Variants in AP1G1 observed in about 807,000 individuals in gnomAD.
The protein encoded by AP1G1 is AP-1 complex subunit gamma-1.
In AP1G1, 7 loss-of-function variants were observed where a neutral mutation model predicts 108.3. The ratio of observed to expected loss-of-function variants is 0.06; its 90% CI spans 0.04 to 0.12. The LOEUF is 0.12. AP1G1 is among the 10% of genes least tolerant of loss of function. The pLI is 1.00. For missense variants in AP1G1, 756 were observed against 1,010.7 expected, an observed-to-expected ratio of 0.75 and a Z score of 3.42; for synonymous variants, 379 against 353.5, an observed-to-expected ratio of 1.07 and a Z score of -0.81.
In AP1G1 at chr16:71,736,072, C is replaced by G. The variant is rs1445800315; in HGVS notation, c.2269-1365G>C. 8.8e-5 allele frequency among the ~76,000 whole-genome samples: 10 copies of G among 113,874 alleles called. 1 individual carries two copies. The highest frequency in any genetic ancestry group is 3.5e-4 in the African/African-American group (10 of 28,976). The allele number at this position is 113,874 out of a possible 152,430, so 74.7% of individuals were successfully genotyped here. A position where few individuals can be genotyped will look rare whatever the true frequency, so the allele number is the denominator to read the frequency against. On this transcript the variant is annotated intron_variant, in intron 21 of 22. Transcript: ENST00000299980. Reference sequence around the variant, plus strand: ...CTTGAACCCAGGAGGCAGAGGTTGCCTGGGTGACAGAGTGAGACTCCATCT... The same window carrying G: ...CTTGAACCCAGGAGGCAGAGGTTGCGTGGGTGACAGAGTGAGACTCCATCT...
intron 1 of AP1G1, among the ~76,000 whole-genome samples, chr16:71,798,442 G>A (rs938817903): frequency 1.3e-5 from 2 of 151,854 alleles, no homozygotes; most frequent in South Asian, 2.1e-4. Flanking sequence ...CTCGTGATCC[G>A]CCAGCCTCGG....
Position 71,789,332 on chromosome 16 carries a change from C to A in AP1G1, c.148G>T (p.Val50Leu), listed in dbSNP as rs1446698167. 2.5e-6 allele frequency: 4 copies of A among 1,614,220 alleles called. No individual in the cohort carries two copies. The highest frequency in any genetic ancestry group is 3.4e-6 in the Non-Finnish European group (4 of 1,180,038). Residue 50 changes from valine to leucine, a missense_variant, in exon 2 of 23, where the codon GTG becomes TTG. Physicochemically the swap from Val to Leu is conservative, Grantham distance 32 (BLOSUM62 1). Transcript: ENST00000299980. Reference protein sequence around the residue: ...EEDNTYRCRNVAKLLYMHMLG... With the variant: ...EEDNTYRCRNLAKLLYMHMLG... ...ATGTGCATATACAGTAATTTTGCCA[C>A]ATTCCGACATCGGTATGTATTGTCT... is the stretch of plus-strand genomic sequence containing the variant.
chr16:71,753,744 T>G (rs1013115525), intron 13 of AP1G1, 89 bp downstream of exon 13: 3 of 1,201,978 alleles, frequency 2.5e-6, no homozygotes, highest in Admixed American at 3.8e-5. Context: ...ACTTGTGAAT[T>G]TCTTACCTCC....
At chr16:71,742,839 G>T (rs1478060466) in intron 19 of AP1G1, 1 of 152,136 alleles carries the variant, frequency 6.6e-6, no homozygotes, top group African/African-American at 2.4e-5. Context: ...GGGCATGGTG[G>T]CACGTGCCTA....
Sources: gnomAD v4.1 joint callset for allele counts (sites outside exome capture counted in the v4.1 genomes callset) on GRCh38, gnomAD v4.1.1 for gene constraint, MANE v1.5 for transcripts, NCBI Gene and HGNC (gene_info 2026-07-23, HGNC 2026-07-21) for gene names.